Variants in CHN2 observed in about 807,000 individuals in gnomAD.
The protein encoded by CHN2 is beta-chimaerin.
In CHN2, 35 loss-of-function variants were observed where a neutral mutation model predicts 56.3. The observed-to-expected ratio is 0.62, with a 90% CI of 0.47 to 0.82. The LOEUF is 0.82. CHN2 is among the 40% of genes least tolerant of loss of function. CHN2 has a pLI of 0.00. For synonymous variants in CHN2, 210 were observed against 212.8 expected (o/e 0.99, Z 0.12); for missense variants, 491 against 580.5 (o/e 0.85, Z 1.58).
chr7:29,354,604 C>T (rs373746068), intron 1 of CHN2, 21 bp from the exon 2 acceptor site: 1 of 1,388,652 alleles, frequency 7.2e-7, no homozygotes, highest in Non-Finnish European at 9.8e-7. Context: ...TGATGGATTT[C>T]TTTTTTTTTT....
chr7:29,291,218 C>T (rs1048714017), intron 1 of CHN2, among the ~76,000 whole-genome samples: 2 of 152,180 alleles, frequency 1.3e-5, no homozygotes, highest in African/African-American at 4.8e-5. Context: ...CCCACTCACC[C>T]AACTTCTAAG....
intron 3 of CHN2, among the ~76,000 whole-genome samples, chr7:29,373,924 T>C (rs1256586542): frequency 6.6e-6 from 1 of 152,176 alleles, no homozygotes; most frequent in East Asian, 1.9e-4. Flanking sequence ...GAAATAAATG[T>C]TTTAAAACAA....
chr7:29,212,338 G>T, intron 1 of CHN2: 1 of 1,455,890 alleles, frequency 6.9e-7, no homozygotes. Context: ...AGCTTGCCTT[G>T]CTTCGAAGCA....
chr7:29,186,440 C>T (rs1798726732), intron 2 of CHN2: 1 of 152,052 alleles, frequency 6.6e-6, no homozygotes, highest in African/African-American at 2.4e-5. Flanking sequence ...AAAAAGCAGC[C>T]ACGTGCCTGT....
chr7:29,249,842 G>T (rs560988075), intron 1 of CHN2, among the ~76,000 whole-genome samples: 1 of 152,316 alleles, frequency 6.6e-6, no homozygotes, highest in South Asian at 2.1e-4. Context: ...GACTTTTCAG[G>T]AATGGTAGCG....
chr7:29,292,268 T>A (rs1792696553), intron 1 of CHN2, among the ~76,000 whole-genome samples: 1 of 152,188 alleles, frequency 6.6e-6, no homozygotes, highest in Non-Finnish European at 1.5e-5. Context: ...AGTATTTCAC[T>A]GGAGAATAGA....
chr7:29,499,021 A>C (rs1042639858), intron 8 of CHN2, among the ~76,000 whole-genome samples: 12 of 152,012 alleles, frequency 7.9e-5, no homozygotes, highest in Non-Finnish European at 1.5e-4. Context: ...CGGCCTCCCA[A>C]AGTGCTGGGA....
intron 1 of CHN2, among the ~76,000 whole-genome samples, chr7:29,350,835 C>T (rs971230424): frequency 2.6e-5 from 4 of 152,112 alleles, no homozygotes; most frequent in African/African-American, 9.7e-5. Context: ...TGCGGCCGGG[C>T]GAGGTGGCTC....
At chr7:29,440,472 C>T (rs1341351699) in intron 6 of CHN2, among the ~76,000 whole-genome samples, 2 of 151,962 alleles carry the variant, frequency 1.3e-5, no homozygotes, top group Non-Finnish European at 1.5e-5. Flanking sequence ...GGGTGGATCA[C>T]CTGAGATCAG....
intron 1 of CHN2, among the ~76,000 whole-genome samples, chr7:29,317,659 A>C (rs976561147): frequency 6.6e-6 from 1 of 152,176 alleles, no homozygotes; most frequent in Non-Finnish European, 1.5e-5. Flanking sequence ...ATTAAACTAG[A>C]CAATAGGAGG....
chr7:29,216,738 G>A (rs897641574), intron 1 of CHN2, among the ~76,000 whole-genome samples: 10 of 152,182 alleles, frequency 6.6e-5, no homozygotes, highest in African/African-American at 2.2e-4. Flanking sequence ...TTCTATAAAG[G>A]TAAAATAATA....
At chr7:29,206,497 G>T (rs558606043) in intron 1 of CHN2, among the ~76,000 whole-genome samples, 2 of 151,890 alleles carry the variant, frequency 1.3e-5, no homozygotes, top group Admixed American at 1.3e-4. Context: ...GGCCAGGCTG[G>T]TCTCAAACTC....
In CHN2 at chr7:29,297,986, A is replaced by T. The variant is rs1425902289; in HGVS notation, c.50-56639A>T. On this transcript the variant is annotated intron_variant, in intron 1 of 12. Coordinates refer to ENST00000222792, the MANE Select transcript of CHN2 (RefSeq NM_004067.4). ...CCCTAGTTCCCTTCTTTGCTATCAAATACCTGGGGTTCGTGAGGGAGAGAA... is the reference window on the plus strand; with the variant it reads ...CCCTAGTTCCCTTCTTTGCTATCAATTACCTGGGGTTCGTGAGGGAGAGAA... Among the ~76,000 whole-genome samples, 8 of 152,268 alleles carry T rather than the reference A, an allele frequency of 5.3e-5. No homozygotes were observed. The East Asian group carries it at 5.8e-4, about 11-fold the overall frequency.
At chr7:29,281,062 TG>T (rs1239129874) in intron 1 of CHN2, among the ~76,000 whole-genome samples, 1 of 152,226 alleles carries the variant, frequency 6.6e-6, no homozygotes, top group Non-Finnish European at 1.5e-5. Flanking sequence ...CATATGCTTT[TG>T]AAAATTAAGC....
intron 6 of CHN2, among the ~76,000 whole-genome samples, chr7:29,459,522 A>G (rs1345221116): frequency 6.6e-6 from 1 of 152,182 alleles, no homozygotes; most frequent in Non-Finnish European, 1.5e-5. Flanking sequence ...GGTCAGGTGG[A>G]GAGCCCACAG....
chr7:29,296,747 T>G (rs572598562), intron 1 of CHN2, among the ~76,000 whole-genome samples: 2 of 152,366 alleles, frequency 1.3e-5, no homozygotes, highest in South Asian at 2.1e-4. Flanking sequence ...ACAGAAGAGA[T>G]AAAGTGCTCT....
chr7:29,354,644 T>G lies in CHN2; in HGVS notation c.69T>G (p.Pro23=). The G allele has an allele frequency of 6.2e-7, 1 of 1,611,202 alleles. No individual in the cohort carries two copies. Among genetic ancestry groups the G allele is most frequent in the Non-Finnish European group, 8.5e-7 (1 of 1,179,008 alleles). Residue 23 remains proline (P), a synonymous_variant, in exon 2 of 13, where the codon CCT becomes CCG. Coordinates refer to ENST00000222792, the MANE Select transcript of CHN2 (RefSeq NM_004067.4). ...TTCTAGATGCTGAAGAATACCAGCCTCCTATATGGAAATCATACTGTGAGT... is the reference window on the plus strand; with the variant it reads ...TTCTAGATGCTGAAGAATACCAGCCGCCTATATGGAAATCATACTGTGAGT... The part of the protein sequence containing the change: ...SVSSDAEEYQ[P]PIWKSYLYQL...
At chr7:29,319,105 A>G (rs1263910040) in intron 1 of CHN2, among the ~76,000 whole-genome samples, 2 of 152,218 alleles carry the variant, frequency 1.3e-5, no homozygotes, top group Non-Finnish European at 1.5e-5. Context: ...TCTGTAGGAC[A>G]TGGTTTCGTG....
chr7:29,242,616 G>C (rs1169138216), intron 1 of CHN2, among the ~76,000 whole-genome samples: 1 of 151,674 alleles, frequency 6.6e-6, no homozygotes, highest in Non-Finnish European at 1.5e-5. Flanking sequence ...ATTATATTCA[G>C]AAAGTATTGC....
Sources: allele counts gnomAD v4.1 joint callset (sites outside exome capture counted in the v4.1 genomes callset), GRCh38; gene constraint gnomAD v4.1.1; transcripts MANE v1.5; gene names NCBI Gene and HGNC (gene_info 2026-07-23, HGNC 2026-07-21).